GRK1: variants seen among roughly 807,000 people sequenced by gnomAD.
GRK1 encodes the protein G protein-coupled receptor kinase 1, also known as rhodopsin kinase GRK1.
Under a neutral mutation model 41.7 loss-of-function variants are expected in GRK1, and 28 were observed. The observed-to-expected ratio is 0.67, with a 90% CI of 0.50 to 0.92. The LOEUF is 0.92. Ranked by LOEUF, GRK1 falls within the 40% of genes least tolerant of loss-of-function variation. The pLI, the probability that GRK1 is intolerant of heterozygous loss-of-function variation, is 0.00. For missense variants in GRK1, 703 were observed against 671.2 expected (o/e 1.05, Z -0.52); for synonymous variants, 327 against 286.7 (o/e 1.14, Z -1.42).
intron 4 of GRK1, among the ~76,000 whole-genome samples, chr13:113,730,355 C>T (rs995793579): frequency 1.1e-4 from 16 of 151,424 alleles, no homozygotes; most frequent in Non-Finnish European, 2.1e-4. Flanking sequence ...CCAGACCCGC[C>T]CCTCCATCCC....
At position 113,667,738 on chromosome 13, in the gene GRK1, C is replaced by T; in HGVS notation, c.352C>T (p.Gln118Ter). The T allele has an allele frequency of 6.2e-7, 1 of 1,613,928 alleles. No individual in the cohort carries two copies. Among genetic ancestry groups the T allele is most frequent in the Non-Finnish European group, 8.5e-7 (1 of 1,179,878 alleles). Residue 118 changes from glutamine to a stop codon, truncating the protein, a stop_gained, in exon 1 of 7, where the codon CAG becomes TAG. Coordinates refer to ENST00000335678, the MANE Select transcript of GRK1 (RefSeq NM_002929.3). LOFTEE classifies it high-confidence loss of function. This position sits in a 1 kb window ranked among gnomAD's most constrained non-coding sequence, Gnocchi z 7.5. ...CATCCTGGCCCAGTACCTGGACCCC[C>T]AGGCCAAACTCTTCTGCAGCTTCCT... is the stretch of plus-strand genomic sequence containing the variant. ...QTILAQYLDP[Q>*]AKLFCSFLDE...
intron 5 of GRK1, 67 bp from the exon 6 acceptor site, chr13:113,732,817 T>C: frequency 6.7e-7 from 1 of 1,495,438 alleles, no homozygotes; most frequent in Non-Finnish European, 9.0e-7. Flanking sequence ...TGGGAGGAGC[T>C]GTGGTCTGGT....
intron 4 of GRK1, among the ~76,000 whole-genome samples, chr13:113,729,899 C>G (rs1489119075): frequency 6.6e-6 from 1 of 151,282 alleles, no homozygotes; most frequent in Non-Finnish European, 1.5e-5. Flanking sequence ...GGAGACAGTC[C>G]CCGCGGCTGC....
chr13:113,669,609 G>A (rs1235347958), intron 1 of GRK1, 78 bp from the exon 2 acceptor site: 13 of 1,562,818 alleles, frequency 8.3e-6, no homozygotes, highest in Middle Eastern at 1.7e-4. Context: ...GGGCGTGGCC[G>A]GGTGCACACG....
At chr13:113,649,552 G>GA in the GRK1 span, 4 of 1,488,330 alleles carry the variant, frequency 2.7e-6, no homozygotes, top group Non-Finnish European at 3.6e-6. This position sits in a 1 kb window ranked among gnomAD's most constrained non-coding sequence, Gnocchi z 4.7. Context: ...TGGGAGTGAG[G>GA]AAAGGACAGG....
In GRK1 at chr13:113,667,565, G is replaced by A. The variant is rs2049826872; in HGVS notation, c.179G>A (p.Ser60Asn). The A allele has an allele frequency of 6.2e-7, 1 of 1,613,644 alleles. No individual in the cohort carries two copies. The highest frequency in any genetic ancestry group is 1.1e-5 in the South Asian group (1 of 91,082). Residue 60 changes from serine to asparagine, a missense_variant, in exon 1 of 7, where the codon AGT (serine) becomes AAT (asparagine). By Grantham distance (46) the Ser-to-Asn change is conservative (BLOSUM62 1). Transcript: ENST00000335678. The surrounding 1 kb of genome is among the most constrained non-coding windows in gnomAD (Gnocchi z 7.5). ...GACAGCCTCAGCCTGGAGTTTGAGAGTGTGTGCTTGGAGCAGCCCATCGGC... is the reference window on the plus strand; with the variant it reads ...GACAGCCTCAGCCTGGAGTTTGAGAATGTGTGCTTGGAGCAGCCCATCGGC... Reference protein sequence around the residue: ...LRDSLSLEFESVCLEQPIGKK... With the variant: ...LRDSLSLEFENVCLEQPIGKK...
chr13:113,658,044 A>G, the GRK1 span: 1 of 1,603,058 alleles, frequency 6.2e-7, no homozygotes, highest in South Asian at 1.1e-5. Context: ...CCACCGGGAC[A>G]GGGTGCGGCC....
chr13:113,662,380 C>T (rs544508135), upstream of GRK1, among the ~76,000 whole-genome samples: 23 of 152,238 alleles, frequency 1.5e-4, no homozygotes, highest in South Asian at 2.9e-3. Flanking sequence ...AAAGATGAAA[C>T]GTTTTTTACC....
chr13:113,733,934 ATACGTGTGTG>A (rs1380388615), intron 6 of GRK1, among the ~76,000 whole-genome samples: 1,117 of 99,320 alleles, frequency 0.011, 78 homozygotes, highest in African/African-American at 0.042. Flanking sequence ...GCATGTGTGC[ATACGTGTGTG>A]CGTGTGTGTG....
chr13:113,666,577 C>T (rs1346552594), upstream of GRK1, among the ~76,000 whole-genome samples: 3 of 152,128 alleles, frequency 2.0e-5, no homozygotes, highest in Non-Finnish European at 4.4e-5. Flanking sequence ...CCATATGCGT[C>T]CCTCTGAGTG....
chr13:113,653,113 C>T, the GRK1 span: 1 of 1,578,168 alleles, frequency 6.3e-7, no homozygotes, highest in African/African-American at 1.3e-5. Context: ...CTGCCCTGGC[C>T]CTGACGCCTG....
At chr13:113,732,796 G>C in intron 5 of GRK1, 88 bp from the exon 6 acceptor site, 1 of 1,406,406 alleles carries the variant, frequency 7.1e-7, no homozygotes, top group Non-Finnish European at 9.6e-7. Context: ...GTGGGTGAGC[G>C]GTGGCTCTTG....
the GRK1 span, among the ~76,000 whole-genome samples, chr13:113,653,838 T>TA: frequency 4.4e-4 from 67 of 152,376 alleles, no homozygotes; most frequent in Admixed American, 4.3e-3. Flanking sequence ...ATGTTAACTG[T>TA]AAAACTGAAC....
In GRK1 at chr13:113,735,204, T is replaced by C. The variant is rs2049994182; in HGVS notation, c.1533T>C (p.Thr511=). ...CAGAATTCTTTCAGGAATTTGCCAC[T>C]GGCAACTGCCCCATCCCCTGGCAGG... ...TDTEFFQEFA[T]GNCPIPWQEE... is the part of the protein sequence containing the mutation. Residue 511 remains threonine (T), a synonymous_variant, in exon 7 of 7, where the codon ACT becomes ACC. Coordinates refer to ENST00000335678, the MANE Select transcript of GRK1 (RefSeq NM_002929.3). The C allele has an allele frequency of 6.5e-7, 1 of 1,537,044 alleles. No homozygotes were observed.
In GRK1 at chr13:113,734,033, C is replaced by A. The variant is rs1039098469; in HGVS notation, c.1396+948C>A. On this transcript the variant is annotated intron_variant, in intron 6 of 6. Coordinates refer to ENST00000335678, the MANE Select transcript of GRK1 (RefSeq NM_002929.3). ...GCGTGCATGTGTGTGCGTGCGTGTG[C>A]GTATGTGTGTGTGCATACGTGTGTG... 1.6e-4 allele frequency among the ~76,000 whole-genome samples: 16 copies of A among 97,472 alleles called. 1 individual carries two copies. Among genetic ancestry groups the A allele is most frequent in the Admixed American group, 1.3e-3 (14 of 10,788 alleles). 63.9% of individuals were successfully genotyped at this position (97,472 alleles called of 152,430 possible). A position where few individuals can be genotyped will look rare whatever the true frequency, so the allele number is the denominator to read the frequency against.
chr13:113,655,144 GC>G, the GRK1 span, among the ~76,000 whole-genome samples: 3 of 152,166 alleles, frequency 2.0e-5, no homozygotes, highest in Non-Finnish European at 4.4e-5. Flanking sequence ...GCCACGTTCT[GC>G]CTCTGGGTTT....
chr13:113,658,202 G>C, the GRK1 span: 1 of 1,494,902 alleles, frequency 6.7e-7, no homozygotes, highest in Non-Finnish European at 9.2e-7. Flanking sequence ...CCAGACTGAG[G>C]CCAGATGCCC....
chr13:113,670,189 G>A (rs910074817), intron 2 of GRK1, among the ~76,000 whole-genome samples: 2 of 152,130 alleles, frequency 1.3e-5, no homozygotes, highest in Non-Finnish European at 2.9e-5. Context: ...CCACTCCTAG[G>A]GCTGACCCTA....
At chr13:113,733,571 GTA>G (rs778549918) in intron 6 of GRK1, among the ~76,000 whole-genome samples, 29 of 151,562 alleles carry the variant, frequency 1.9e-4, no homozygotes, top group East Asian at 3.9e-4. Context: ...CCATGTATGT[GTA>G]TGTGTGTGCA....
Sources: allele counts gnomAD v4.1 joint callset (sites outside exome capture counted in the v4.1 genomes callset), GRCh38; gene constraint gnomAD v4.1.1; non-coding constraint Gnocchi (gnomAD v3.1); transcripts MANE v1.5; gene names NCBI Gene and HGNC (gene_info 2026-07-23, HGNC 2026-07-21).